DRC11: variants seen among roughly 807,000 people sequenced by gnomAD.
DRC11 encodes dynein regulatory complex subunit 11, also known as IQ and AAA domain-containing protein 1.
At chr2:236,371,368 T>C in the DRC11 span, among the ~76,000 whole-genome samples, 2 of 152,140 alleles carry the variant, frequency 1.3e-5, no homozygotes, top group African/African-American at 2.4e-5. The surrounding 1 kb of genome is among the most constrained non-coding windows in gnomAD (Gnocchi z 5.1). Flanking sequence ...TGAGGGTGCC[T>C]GGGTCCTCAT....
the DRC11 span, among the ~76,000 whole-genome samples, chr2:236,405,878 T>C: frequency 1.3e-5 from 2 of 152,176 alleles, no homozygotes; most frequent in African/African-American, 2.4e-5. This position sits in a 1 kb window ranked among gnomAD's most constrained non-coding sequence, Gnocchi z 4.6. Context: ...GGTGTAAGAC[T>C]TCATTCACAC....
chr2:236,503,624 T>G, the DRC11 span: 1 of 1,549,934 alleles, frequency 6.5e-7, no homozygotes, highest in Non-Finnish European at 8.7e-7. This position sits in a 1 kb window ranked among gnomAD's most constrained non-coding sequence, Gnocchi z 4.9. Flanking sequence ...GATCCCTGCA[T>G]CATTACCTGT....
At chr2:236,408,119 C>T in the DRC11 span, 1 of 656,266 alleles carries the variant, frequency 1.5e-6, no homozygotes. This position sits in a 1 kb window ranked among gnomAD's most constrained non-coding sequence, Gnocchi z 5.5. Context: ...ACAAAGCCAC[C>T]CAGAGAGTTG....
At chr2:236,448,766 AC>A in the DRC11 span, among the ~76,000 whole-genome samples, 1 of 152,142 alleles carries the variant, frequency 6.6e-6, no homozygotes, top group South Asian at 2.1e-4. The surrounding 1 kb of genome is among the most constrained non-coding windows in gnomAD (Gnocchi z 5.3). Context: ...CGGGGCAGAG[AC>A]TATCACGCAG....
the DRC11 span, among the ~76,000 whole-genome samples, chr2:236,328,586 C>T: frequency 0.11 from 16,628 of 150,532 alleles, 2,285 homozygotes; most frequent in African/African-American, 0.32. This position sits in a 1 kb window ranked among gnomAD's most constrained non-coding sequence, Gnocchi z 6.7. Context: ...CTAGGCCACC[C>T]ATGTATTAGC....
chr2:236,341,630 G>A, the DRC11 span, among the ~76,000 whole-genome samples: 2 of 152,298 alleles, frequency 1.3e-5, no homozygotes, highest in African/African-American at 2.4e-5. Flanking sequence ...TGTTTGGAGT[G>A]GCCCCAGGGC....
At chr2:236,440,952 C>T in the DRC11 span, 3 of 783,068 alleles carry the variant, frequency 3.8e-6, no homozygotes, top group Non-Finnish European at 6.3e-6. Context: ...ATAACCAAGA[C>T]CTAATAACGC....
the DRC11 span, among the ~76,000 whole-genome samples, chr2:236,478,190 A>G: frequency 6.6e-6 from 1 of 152,060 alleles, no homozygotes; most frequent in African/African-American, 2.4e-5. The surrounding 1 kb of genome is among the most constrained non-coding windows in gnomAD (Gnocchi z 5.9). Context: ...ATTTGCTATA[A>G]ACATTTCCCT....
chr2:236,476,293 A>C, the DRC11 span, among the ~76,000 whole-genome samples: 1 of 151,930 alleles, frequency 6.6e-6, no homozygotes, highest in Non-Finnish European at 1.5e-5. The surrounding 1 kb of genome is among the most constrained non-coding windows in gnomAD (Gnocchi z 4.7). Context: ...CTTTGGTTTA[A>C]ATTATTCCTA....
the DRC11 span, among the ~76,000 whole-genome samples, chr2:236,394,630 A>T: frequency 6.6e-6 from 1 of 152,118 alleles, no homozygotes; most frequent in African/African-American, 2.4e-5. The surrounding 1 kb of genome is among the most constrained non-coding windows in gnomAD (Gnocchi z 7.0). Context: ...AGAAAAAAAA[A>T]AAAAGTGGGT....
chr2:236,416,721 T>TATA, the DRC11 span, among the ~76,000 whole-genome samples: 3 of 64,248 alleles, frequency 4.7e-5, no homozygotes, highest in South Asian at 7.3e-4. Context: ...ATATATATAT[T>TATA]TATATATATA....
chr2:236,459,682 TATATAC>T, the DRC11 span, among the ~76,000 whole-genome samples: 2 of 145,100 alleles, frequency 1.4e-5, no homozygotes, highest in African/African-American at 2.5e-5. Flanking sequence ...CGTATATATG[TATATAC>T]ATATATACAT....
chr2:236,404,444 C>G, the DRC11 span, among the ~76,000 whole-genome samples: 5 of 152,150 alleles, frequency 3.3e-5, no homozygotes, highest in African/African-American at 7.2e-5. Context: ...CCAGATGAAG[C>G]CTTCCTGACT....
At chr2:236,420,169 G>A in the DRC11 span, among the ~76,000 whole-genome samples, 1 of 152,206 alleles carries the variant, frequency 6.6e-6, no homozygotes, top group African/African-American at 2.4e-5. This position sits in a 1 kb window ranked among gnomAD's most constrained non-coding sequence, Gnocchi z 4.8. Context: ...ACGCATGGGG[G>A]TTGCTGTTGT....
At chr2:236,359,324 C>CTGT in the DRC11 span, among the ~76,000 whole-genome samples, 1 of 152,136 alleles carries the variant, frequency 6.6e-6, no homozygotes, top group African/African-American at 2.4e-5. The surrounding 1 kb of genome is among the most constrained non-coding windows in gnomAD (Gnocchi z 4.3). Context: ...CTATTAGTTA[C>CTGT]TGTTTGTAAA....
the DRC11 span, among the ~76,000 whole-genome samples, chr2:236,378,322 G>A: frequency 7.2e-5 from 11 of 152,036 alleles, no homozygotes; most frequent in African/African-American, 1.4e-4. Context: ...AACAATATAC[G>A]CATAAAATAT....
the DRC11 span, among the ~76,000 whole-genome samples, chr2:236,500,519 C>T: frequency 6.6e-6 from 1 of 152,186 alleles, no homozygotes; most frequent in Non-Finnish European, 1.5e-5. This position sits in a 1 kb window ranked among gnomAD's most constrained non-coding sequence, Gnocchi z 6.3. Flanking sequence ...ATCCCATCCC[C>T]AGCACGTCCG....
the DRC11 span, among the ~76,000 whole-genome samples, chr2:236,448,476 CA>C: frequency 2.6e-5 from 4 of 152,036 alleles, 1 homozygote; most frequent in Non-Finnish European, 5.9e-5. This position sits in a 1 kb window ranked among gnomAD's most constrained non-coding sequence, Gnocchi z 5.3. Context: ...GCTGGGACTA[CA>C]GGCGCACATC....
the DRC11 span, among the ~76,000 whole-genome samples, chr2:236,363,335 C>T: frequency 1.4e-3 from 219 of 152,286 alleles, 1 homozygote; most frequent in African/African-American, 4.6e-3. The surrounding 1 kb of genome is among the most constrained non-coding windows in gnomAD (Gnocchi z 5.6). Flanking sequence ...CTCTGGTCGG[C>T]TTAGGTGCCT....
Sources: allele counts gnomAD v4.1 joint callset (sites outside exome capture counted in the v4.1 genomes callset), GRCh38; gene constraint gnomAD v4.1.1; non-coding constraint Gnocchi (gnomAD v3.1); transcripts MANE v1.5; gene names NCBI Gene and HGNC (gene_info 2026-07-23, HGNC 2026-07-21).